Variants in NXPH1 observed in about 807,000 individuals in gnomAD.
The protein encoded by NXPH1 is neurexophilin-1.
In NXPH1, 5 loss-of-function variants were observed where a neutral mutation model predicts 23.7. The observed-to-expected ratio is 0.21, with a 90% CI of 0.11 to 0.44. The LOEUF (loss-of-function observed/expected upper bound fraction) is 0.44. Ranked by LOEUF, NXPH1 falls within the 20% of genes least tolerant of loss-of-function variation. The pLI is 0.99. For synonymous variants in NXPH1, 144 were observed against 122.2 expected, an observed-to-expected ratio of 1.18 and a Z score of -1.18; for missense variants, 324 against 321.6, an observed-to-expected ratio of 1.01 and a Z score of -0.06.
At chr7:8,544,083 A>T (rs1201743439) in intron 2 of NXPH1, among the ~76,000 whole-genome samples, 1 of 151,632 alleles carries the variant, frequency 6.6e-6, no homozygotes, top group African/African-American at 2.4e-5. Flanking sequence ...GCTGGGGCAC[A>T]TGTTGCCTCT....
At chr7:8,520,504 C>G (rs181929127) in intron 2 of NXPH1, among the ~76,000 whole-genome samples, 1 of 152,214 alleles carries the variant, frequency 6.6e-6, no homozygotes, top group South Asian at 2.1e-4. Flanking sequence ...GATATAAGTC[C>G]GACACGGTAG....
intron 2 of NXPH1, among the ~76,000 whole-genome samples, chr7:8,678,428 T>C (rs2349774): frequency 0.77 from 117,462 of 152,046 alleles, 45,765 homozygotes; most frequent in East Asian, 1. Flanking sequence ...TCTCTTGGGG[T>C]CTGTGGGAGT....
intron 2 of NXPH1, among the ~76,000 whole-genome samples, chr7:8,667,993 G>A (rs1820802062): frequency 6.6e-6 from 1 of 151,298 alleles, no homozygotes; most frequent in African/African-American, 2.4e-5. Flanking sequence ...GTATTTTGTT[G>A]TTGTTGTTGT....
chr7:8,499,701 C>T (rs2128612339), intron 2 of NXPH1, among the ~76,000 whole-genome samples: 1 of 152,186 alleles, frequency 6.6e-6, no homozygotes, highest in South Asian at 2.1e-4. Flanking sequence ...AAAAGCTAGA[C>T]TCCCAGTGGT....
At chr7:8,724,718 A>T (rs1054340201) in intron 2 of NXPH1, among the ~76,000 whole-genome samples, 2 of 152,144 alleles carry the variant, frequency 1.3e-5, no homozygotes, top group African/African-American at 4.8e-5. Flanking sequence ...GTTACCAAGG[A>T]TATTTTTTCT....
Position 8,734,354 on chromosome 7 carries a change from C to T in NXPH1, c.55-16654C>T, listed in dbSNP as rs564849608. 8.5e-5 allele frequency among the ~76,000 whole-genome samples: 13 copies of T among 152,202 alleles called. No individual in the cohort carries two copies. The South Asian group carries it at 1.5e-3, about 17-fold the overall frequency. ...TTTGCTTAGGATTGTCTTGGCTATA[C>T]GGGCTCTTTTTTGGTTCTATATGAA... is the stretch of plus-strand genomic sequence containing the variant. On this transcript the variant is annotated intron_variant, in intron 2 of 2. Coordinates refer to ENST00000405863, the MANE Select transcript of NXPH1 (RefSeq NM_152745.3).
chr7:8,520,431 G>T (rs1817750987), intron 2 of NXPH1, among the ~76,000 whole-genome samples: 1 of 152,162 alleles, frequency 6.6e-6, no homozygotes, highest in African/African-American at 2.4e-5. Context: ...CTTTCTCTCA[G>T]CTCTGGCAAT....
intron 2 of NXPH1, among the ~76,000 whole-genome samples, chr7:8,693,768 G>GT (rs1449743835): frequency 6.6e-6 from 1 of 151,996 alleles, no homozygotes; most frequent in African/African-American, 2.4e-5. Context: ...TTATAAGTTG[G>GT]TTTTCAAGTT....
intron 2 of NXPH1, among the ~76,000 whole-genome samples, chr7:8,557,405 A>G (rs1818375158): frequency 6.6e-6 from 1 of 151,800 alleles, no homozygotes; most frequent in African/African-American, 2.4e-5. Flanking sequence ...GGAGGCTTCC[A>G]TGGTATACTG....
chr7:8,567,780 T>C (rs1818570859), intron 2 of NXPH1, among the ~76,000 whole-genome samples: 2 of 151,824 alleles, frequency 1.3e-5, no homozygotes, highest in South Asian at 2.1e-4. Context: ...TCGACCTAAA[T>C]ATAGTTTAGT....
rs1780586476 is a variant in NXPH1 at position 8,752,693 on chromosome 7, A to C, written c.*924A>C. On this transcript the variant is annotated 3_prime_UTR_variant, in exon 3 of 3. Coordinates refer to ENST00000405863, the MANE Select transcript of NXPH1 (RefSeq NM_152745.3). ...GGTTTGTATTGTACATAGTTTAACCAAGTGTTATTTGAGCTGCTTATTAAT... is the reference window on the plus strand; with the variant it reads ...GGTTTGTATTGTACATAGTTTAACCCAGTGTTATTTGAGCTGCTTATTAAT... 1 of 152,464 alleles carries C rather than the reference A, an allele frequency of 6.6e-6. No individual in the cohort carries two copies. The highest frequency in any genetic ancestry group is 6.6e-5 in the Admixed American group (1 of 15,252). The allele number at this position is 152,464 out of a possible 1,614,324, so 9.4% of individuals were successfully genotyped here. A position where few individuals can be genotyped will look rare whatever the true frequency, so the allele number is the denominator to read the frequency against.
In NXPH1 at chr7:8,752,433, A is replaced by G. The variant is rs1471460636; in HGVS notation, c.*664A>G. On this transcript the variant is annotated 3_prime_UTR_variant, in exon 3 of 3. Transcript: ENST00000405863. ...TCTTTGAAAGGGGCCTGTTCTCAGT[A>G]AAGATGAGCAAACATTTGGAATTTA... The G allele has an allele frequency of 1.3e-5, 2 of 152,590 alleles. No homozygotes were observed. Among genetic ancestry groups the G allele is most frequent in the Non-Finnish European group, 2.9e-5 (2 of 68,026 alleles). The allele number at this position is 152,590 out of a possible 1,614,324, so 9.5% of individuals were successfully genotyped here. A position where few individuals can be genotyped will look rare whatever the true frequency, so the allele number is the denominator to read the frequency against.
intron 2 of NXPH1, among the ~76,000 whole-genome samples, chr7:8,530,864 C>G (rs542287171): frequency 1.3e-5 from 2 of 152,202 alleles, no homozygotes; most frequent in South Asian, 4.2e-4. Context: ...AAGTTAATAC[C>G]AATTTATTTG....
intron 2 of NXPH1, among the ~76,000 whole-genome samples, chr7:8,702,977 T>C (rs1300476293): frequency 6.6e-6 from 1 of 152,102 alleles, no homozygotes; most frequent in Non-Finnish European, 1.5e-5. Context: ...CCTGCTCTCC[T>C]TCATTAGATG....
intron 2 of NXPH1, among the ~76,000 whole-genome samples, chr7:8,603,841 G>A (rs1819416416): frequency 6.6e-6 from 1 of 151,920 alleles, no homozygotes; most frequent in Non-Finnish European, 1.5e-5. Flanking sequence ...GTCATTCCAG[G>A]TATGTTTTAT....
Position 8,596,000 on chromosome 7 carries a change from TA to T in NXPH1, c.55-155002del, listed in dbSNP as rs779825544. 3.3e-4 allele frequency among the ~76,000 whole-genome samples: 50 copies of T among 152,214 alleles called. No individual in the cohort carries two copies. The East Asian group carries it at 7.7e-3, about 24-fold the overall frequency. On this transcript the variant is annotated intron_variant, in intron 2 of 2. Coordinates refer to ENST00000405863, the MANE Select transcript of NXPH1 (RefSeq NM_152745.3). ...CATTGTACTGACATTCGGATCCCTT[TA>T]AAAAATTTAGCATGCAAGTTTGATA...
rs184920170 is a variant in NXPH1, at chr7:8,683,806, T to C, written c.55-67202T>C. Among the ~76,000 whole-genome samples the C allele has an allele frequency of 9.4e-3, 1,438 of 152,270 alleles. 17 individuals carry two copies. Among genetic ancestry groups the C allele is most frequent in the Non-Finnish European group, 0.016 (1,074 of 68,024 alleles). ...TATTATGTTCAAGACACTAGCCTGCTTAATATGAAAAATATACCCCCAAGG... is the reference window on the plus strand; with the variant it reads ...TATTATGTTCAAGACACTAGCCTGCCTAATATGAAAAATATACCCCCAAGG... On this transcript the variant is annotated intron_variant, in intron 2 of 2. Transcript: ENST00000405863.
intron 2 of NXPH1, among the ~76,000 whole-genome samples, chr7:8,665,168 T>G (rs1187409895): frequency 6.6e-6 from 1 of 152,034 alleles, no homozygotes; most frequent in Non-Finnish European, 1.5e-5. Flanking sequence ...TATATTTAAG[T>G]TTTTAATCCA....
At chr7:8,488,274 A>G (rs576333812) in intron 2 of NXPH1, among the ~76,000 whole-genome samples, 30 of 152,214 alleles carry the variant, frequency 2.0e-4, no homozygotes, top group African/African-American at 7.2e-4. Flanking sequence ...TACATCTTAC[A>G]TACTACATCT....
Sources: allele counts gnomAD v4.1 joint callset (sites outside exome capture counted in the v4.1 genomes callset), GRCh38; gene constraint gnomAD v4.1.1; transcripts MANE v1.5; gene names NCBI Gene and HGNC (gene_info 2026-07-23, HGNC 2026-07-21).